ATF7IP: variants seen among roughly 807,000 people sequenced by gnomAD.
The protein encoded by ATF7IP is activating transcription factor 7-interacting protein 1.
A neutral mutation model predicts 106.4 loss-of-function variants in ATF7IP; 23 were observed. The ratio of observed to expected loss-of-function variants is 0.22; its 90% CI spans 0.16 to 0.31. The LOEUF (loss-of-function observed/expected upper bound fraction) is 0.31. ATF7IP is among the 10% of genes least tolerant of loss of function. ATF7IP has a pLI of 1.00. For synonymous variants in ATF7IP, 542 were observed against 539.0 expected (o/e 1.01, Z -0.08); for missense variants, 1,334 against 1,524.3 (o/e 0.88, Z 2.08).
chr12:14,405,178 T>G (rs1940492813), intron 1 of ATF7IP, among the ~76,000 whole-genome samples: 2 of 152,106 alleles, frequency 1.3e-5, no homozygotes, highest in African/African-American at 4.8e-5. Context: ...GTAGAGATCT[T>G]GCTATCAAAA....
chr12:14,387,050 A>G (rs1379286204), intron 1 of ATF7IP, among the ~76,000 whole-genome samples: 1 of 152,074 alleles, frequency 6.6e-6, no homozygotes, highest in South Asian at 2.1e-4. Context: ...ATATTCTGGG[A>G]TCAGTATTTA....
chr12:14,409,404 T>C (rs1940784891), intron 1 of ATF7IP, among the ~76,000 whole-genome samples: 1 of 152,166 alleles, frequency 6.6e-6, no homozygotes, highest in Non-Finnish European at 1.5e-5. Flanking sequence ...AGTACCATTT[T>C]ATAATAAAAG....
In ATF7IP at chr12:14,481,093, T is replaced by C; in HGVS notation, c.3188T>C (p.Val1063Ala). ...AGAGCTCCTGCAAACCACCAGGTGGTTTATACAACTCTTCCTGCACCACCA... is the reference window on the plus strand; with the variant it reads ...AGAGCTCCTGCAAACCACCAGGTGGCTTATACAACTCTTCCTGCACCACCA... ...VPRAPANHQV[V>A]YTTLPAPPAQ... Residue 1063 changes from valine (V) to alanine (A), a missense_variant, in exon 13 of 15, where the codon GTT becomes GCT. Physicochemically the swap from Val to Ala is moderately conservative, Grantham distance 64. Around this residue, in one of 10 missense-constraint regions of ATF7IP, gnomAD observed 370 missense variants for 401.2 expected, o/e 0.92. Coordinates refer to ENST00000261168, the MANE Select transcript of ATF7IP (RefSeq NM_018179.5). 6.2e-7 allele frequency: 1 copy of C among 1,614,012 alleles called. No homozygotes were observed. Among genetic ancestry groups the C allele is most frequent in the Non-Finnish European group, 8.5e-7 (1 of 1,179,958 alleles).
intron 12 of ATF7IP, among the ~76,000 whole-genome samples, chr12:14,480,790 A>C (rs1406963089): frequency 6.6e-6 from 1 of 152,134 alleles, no homozygotes; most frequent in African/African-American, 2.4e-5. Context: ...GATGTGGTGG[A>C]GATGTTCTTT....
Position 14,461,000 on chromosome 12 carries a change from T to C in ATF7IP, c.2664T>C (p.Ser888=), listed in dbSNP as rs750847926. The C allele has an allele frequency of 8.1e-6, 13 of 1,614,068 alleles. No homozygotes were observed. In the African/African-American group the frequency reaches 1.6e-4, roughly 20 times the overall value. The change falls in exon 9 of 15, where the codon TCT becomes TCC. Residue 888 remains serine (S), a synonymous_variant. Coordinates refer to ENST00000261168, the MANE Select transcript of ATF7IP (RefSeq NM_018179.5). ...AHSIVQATRT[S]LPTVGPSGLY... Reference sequence around the variant, plus strand: ...CTATTGTACAAGCCACAAGGACTTCTTTACCCACAGTGGGCCCATCAGGAC... The same window carrying C: ...CTATTGTACAAGCCACAAGGACTTCCTTACCCACAGTGGGCCCATCAGGAC...
intron 13 of ATF7IP, among the ~76,000 whole-genome samples, chr12:14,489,973 T>G (rs952917058): frequency 1.3e-5 from 2 of 152,182 alleles, no homozygotes; most frequent in Non-Finnish European, 2.9e-5. Context: ...AGGTCCAATA[T>G]AATTAACCTG....
rs543348551 is a variant in ATF7IP at position 14,379,163 on chromosome 12, G to T, written c.-8+13336G>T. Among the ~76,000 whole-genome samples the T allele has an allele frequency of 2.6e-5, 4 of 152,216 alleles. No individual in the cohort carries two copies. In the South Asian group the frequency reaches 8.3e-4, roughly 31 times the overall value. On this transcript the variant is annotated intron_variant, in intron 1 of 14. Transcript: ENST00000261168. ...TGAATTGTTTAGCACCATCCCCCTT[G>T]GTACTGTCCTCCACAATAGTGAGTG...
chr12:14,487,770 G>C (rs1020742225), intron 13 of ATF7IP, among the ~76,000 whole-genome samples: 46 of 152,232 alleles, frequency 3.0e-4, no homozygotes, highest in Middle Eastern at 3.4e-3. Flanking sequence ...CTCAGTATTT[G>C]CTTCAGAAGC....
In ATF7IP at chr12:14,436,130, C is replaced by G. The variant is rs1220452251; in HGVS notation, c.1670C>G (p.Ser557Cys). ...GATGAATTTTCTAGACGAAAACGTT[C>G]TAAATCAGAAGACATGGACAATGTA... is the stretch of plus-strand genomic sequence containing the variant. ...EKNEFSRRKR[S>C]KSEDMDNVQS... The change falls in exon 4 of 15, where the codon TCT becomes TGT. Residue 557 changes from serine (S) to cysteine (C), a missense_variant. Physicochemically the swap from Ser to Cys is moderately radical, Grantham distance 112. Around this residue, in one of 10 missense-constraint regions of ATF7IP, gnomAD observed 119 missense variants for 117.8 expected, o/e 1.01. Transcript: ENST00000261168. 5 of 1,612,730 alleles carry G rather than the reference C, an allele frequency of 3.1e-6. No homozygotes were observed. The African/African-American group carries it at 5.3e-5, about 17-fold the overall frequency.
rs1220984526 is a variant in ATF7IP at position 14,498,174 on chromosome 12, AT to A, written c.*104del. On this transcript the variant is annotated 3_prime_UTR_variant, in exon 15 of 15. Transcript: ENST00000261168. ...CCATGTAAAATCCACCTTGTGCAAG[AT>A]TTCTTGGACAGATGTGTGTATACAC... 6 of 1,189,470 alleles carry A rather than the reference AT, an allele frequency of 5.0e-6. No homozygotes were observed. Among genetic ancestry groups the A allele is most frequent in the Non-Finnish European group, 7.1e-6 (6 of 849,322 alleles). The allele number at this position is 1,189,470 out of a possible 1,614,324, so 73.7% of individuals were successfully genotyped here.
At chr12:14,457,146 T>C in intron 7 of ATF7IP, 61 bp from the exon 8 acceptor site, 2 of 1,375,312 alleles carry the variant, frequency 1.5e-6, no homozygotes, top group Non-Finnish European at 2.1e-6. Flanking sequence ...ATTCTAGATA[T>C]CAGTTGGTAT....
chr12:14,493,767 A>G (rs1408870766), intron 13 of ATF7IP, among the ~76,000 whole-genome samples: 1 of 152,124 alleles, frequency 6.6e-6, no homozygotes, highest in African/African-American at 2.4e-5. Flanking sequence ...AGACACTCGC[A>G]TGATAAGAGC....
In ATF7IP at chr12:14,405,889, A is replaced by G. The variant is rs555405222; in HGVS notation, c.-7-18020A>G. ...TGCCTTGGTTATTCAGTTTCCCTCA[A>G]ATTTTGATTGGTATGTGATGTGTAA... is the stretch of plus-strand genomic sequence containing the variant. On this transcript the variant is annotated intron_variant, in intron 1 of 14. Transcript: ENST00000261168. Among the ~76,000 whole-genome samples the G allele has an allele frequency of 1.2e-4, 19 of 152,254 alleles. No homozygotes were observed. The South Asian group carries it at 3.9e-3, about 32-fold the overall frequency.
At chr12:14,368,229 T>G (rs1325001704) in intron 1 of ATF7IP, among the ~76,000 whole-genome samples, 1 of 152,104 alleles carries the variant, frequency 6.6e-6, no homozygotes, top group Non-Finnish European at 1.5e-5. Context: ...TTTCCATGAT[T>G]GAGCAATCTA....
chr12:14,487,664 TATG>T (rs2136839920), intron 13 of ATF7IP, among the ~76,000 whole-genome samples: 1 of 152,338 alleles, frequency 6.6e-6, no homozygotes, highest in East Asian at 1.9e-4. Context: ...TAGCCAATTG[TATG>T]ATAAGAGCTT....
At chr12:14,394,947 A>G (rs2136444747) in intron 1 of ATF7IP, 1 of 152,278 alleles carries the variant, frequency 6.6e-6, no homozygotes, top group East Asian at 1.9e-4. Flanking sequence ...TTTTGAAGAT[A>G]TACTCTGTGT....
intron 12 of ATF7IP, among the ~76,000 whole-genome samples, 174 bp downstream of exon 12, chr12:14,478,646 A>G (rs1304733551): frequency 1.3e-5 from 2 of 152,206 alleles, no homozygotes; most frequent in African/African-American, 4.8e-5. Context: ...TGTCTTAAGC[A>G]GCGGCACTGG....
At chr12:14,496,684 A>T (rs549243064) in intron 14 of ATF7IP, among the ~76,000 whole-genome samples, 124 of 152,330 alleles carry the variant, frequency 8.1e-4, no homozygotes, top group Admixed American at 2.4e-3. Context: ...CTTTCGTTCT[A>T]AACTATGCCA....
At chr12:14,447,098 G>A (rs756432909) in intron 6 of ATF7IP, 45 bp downstream of exon 6, 1 of 1,406,192 alleles carries the variant, frequency 7.1e-7, no homozygotes, top group African/African-American at 1.5e-5. Context: ...AGCACTAAGT[G>A]GTAATCTTAG....
Sources: gnomAD v4.1 joint callset for allele counts (sites outside exome capture counted in the v4.1 genomes callset) on GRCh38, gnomAD v4.1.1 for gene constraint, gnomAD v4.1.1 regional missense constraint, MANE v1.5 for transcripts, NCBI Gene and HGNC (gene_info 2026-07-23, HGNC 2026-07-21) for gene names.